The following MGAT4A variants were observed in gnomAD, a reference collection of about 807,000 sequenced individuals.
The protein encoded by MGAT4A is alpha-1,3-mannosyl-glycoprotein 4-beta-N-acetylglucosaminyltransferase A, also known as N-acetylglucosaminyltransferase IVa.
Under a neutral mutation model 74.1 loss-of-function variants are expected in MGAT4A, and 33 were observed. The ratio of observed to expected loss-of-function variants is 0.45; its 90% CI spans 0.34 to 0.60. The LOEUF is 0.60. Ranked by LOEUF, MGAT4A falls within the 20% of genes least tolerant of loss-of-function variation. The pLI is 0.02. For missense variants in MGAT4A, 479 were observed against 628.3 expected (o/e 0.76, Z 2.54); for synonymous variants, 198 against 210.4 (o/e 0.94, Z 0.51).
At chr2:98,674,083 A>G (rs1325259204) in intron 4 of MGAT4A, among the ~76,000 whole-genome samples, 2 of 147,410 alleles carry the variant, frequency 1.4e-5, no homozygotes, top group Non-Finnish European at 3.0e-5. Context: ...TTAATGAAAT[A>G]GAAAGACAGC....
chr2:98,655,643 CACAT>C (rs1204815554), intron 7 of MGAT4A, 123 bp from the exon 8 acceptor site: 3 of 585,354 alleles, frequency 5.1e-6, no homozygotes, highest in East Asian at 3.0e-5. Flanking sequence ...TACACACACA[CACAT>C]ACACACACAC....
chr2:98,654,548 C>T (rs2309433), intron 8 of MGAT4A, among the ~76,000 whole-genome samples: 84,280 of 151,768 alleles, frequency 0.56, 26,176 homozygotes, highest in African/African-American at 0.84. Flanking sequence ...GAAAACAATG[C>T]CATTTACTGT....
At chr2:98,700,753 T>C (rs1702344337) in intron 2 of MGAT4A, among the ~76,000 whole-genome samples, 1 of 151,988 alleles carries the variant, frequency 6.6e-6, no homozygotes, top group African/African-American at 2.4e-5. Context: ...TAGCCAGCCG[T>C]GGTGGCGGGC....
At chr2:98,676,817 A>G (rs1021397522) in intron 3 of MGAT4A, among the ~76,000 whole-genome samples, 3 of 152,248 alleles carry the variant, frequency 2.0e-5, no homozygotes, top group African/African-American at 7.2e-5. Context: ...GAAGAAAAAC[A>G]TTCACGGAAA....
At chr2:98,638,251 TTTTA>T (rs1701353269) in intron 12 of MGAT4A, among the ~76,000 whole-genome samples, 1 of 152,212 alleles carries the variant, frequency 6.6e-6, no homozygotes, top group Non-Finnish European at 1.5e-5. Flanking sequence ...AAAACATTGT[TTTTA>T]TTTTTCAAAA....
intron 1 of MGAT4A, chr2:98,730,261 T>C (rs1316056046): frequency 6.6e-6 from 1 of 152,222 alleles, no homozygotes; most frequent in African/African-American, 2.4e-5. Context: ...AAACACACTG[T>C]TGCGAGGAAT....
At chr2:98,715,168 A>G (rs1479923122) in intron 2 of MGAT4A, among the ~76,000 whole-genome samples, 3 of 152,014 alleles carry the variant, frequency 2.0e-5, no homozygotes, top group African/African-American at 4.8e-5. Context: ...TACAAAAAAA[A>G]GTAGCAGGGC....
intron 10 of MGAT4A, among the ~76,000 whole-genome samples, chr2:98,643,121 A>G (rs1280764417): frequency 1.3e-5 from 2 of 152,220 alleles, no homozygotes; most frequent in Non-Finnish European, 2.9e-5. Context: ...ATTAAAAGCT[A>G]TAGTTTTTTT....
intron 4 of MGAT4A, among the ~76,000 whole-genome samples, chr2:98,665,541 C>CA (rs920750666): frequency 1.3e-5 from 2 of 152,040 alleles, no homozygotes; most frequent in Admixed American, 6.6e-5. Context: ...TCCGTCCCCC[C>CA]AAAAAAAGAT....
chr2:98,645,277 A>C, intron 9 of MGAT4A, 151 bp downstream of exon 9: 1 of 535,342 alleles, frequency 1.9e-6, no homozygotes, highest in Non-Finnish European at 3.3e-6. Context: ...TCATCATGTC[A>C]TACAAAGAGG....
At chr2:98,651,681 A>T (rs1459917444) in intron 8 of MGAT4A, among the ~76,000 whole-genome samples, 1 of 152,220 alleles carries the variant, frequency 6.6e-6, no homozygotes, top group Non-Finnish European at 1.5e-5. Flanking sequence ...ATACAAAAAA[A>T]TAAAGTAAAT....
At position 98,624,227 on chromosome 2, in the gene MGAT4A, T is replaced by C. The variant is rs1331658459; in HGVS notation, c.*1339A>G. ...CAGGGTTTCACCGTGTTAGCCAGGA[T>C]GGTCTTGATCTCCTGACCTCGTGAT... On this transcript the variant is annotated 3_prime_UTR_variant, in exon 16 of 16. Coordinates refer to ENST00000393487, the MANE Select transcript of MGAT4A (RefSeq NM_012214.3). 1.8e-6 allele frequency: 1 copy of C among 553,972 alleles called. No homozygotes were observed. The highest frequency in any genetic ancestry group is 7.9e-5 in the South Asian group (1 of 12,722). 34.3% of individuals were successfully genotyped at this position (553,972 alleles called of 1,614,324 possible). A position where few individuals can be genotyped will look rare whatever the true frequency, so the allele number is the denominator to read the frequency against.
chr2:98,639,276 A>G lies in MGAT4A; in HGVS notation c.1322+532T>C, dbSNP rs540646569. On this transcript the variant is annotated intron_variant, in intron 12 of 15. Coordinates refer to ENST00000393487, the MANE Select transcript of MGAT4A (RefSeq NM_012214.3). ...ACTCCAGTCTGGGCGACAGAGCGAG[A>G]CTGTCTCAAAAAAAAAAAAGGAAGA... is the stretch of plus-strand genomic sequence containing the variant. 2.6e-5 allele frequency among the ~76,000 whole-genome samples: 4 copies of G among 151,998 alleles called. No individual in the cohort carries two copies. The East Asian group carries it at 7.7e-4, about 29-fold the overall frequency.
chr2:98,637,236 A>G (rs1179551598), intron 12 of MGAT4A, among the ~76,000 whole-genome samples: 1 of 152,034 alleles, frequency 6.6e-6, no homozygotes, highest in East Asian at 1.9e-4. Flanking sequence ...GCTTGAGTTT[A>G]GCCTGGAAGG....
chr2:98,674,417 C>T (rs1381326521), intron 4 of MGAT4A, among the ~76,000 whole-genome samples: 1 of 152,224 alleles, frequency 6.6e-6, no homozygotes, highest in Non-Finnish European at 1.5e-5. Context: ...CCCACTTCCA[C>T]TCTGTGGAGT....
intron 4 of MGAT4A, among the ~76,000 whole-genome samples, chr2:98,671,792 TA>T (rs1341496871): frequency 6.6e-6 from 1 of 151,632 alleles, no homozygotes; most frequent in Non-Finnish European, 1.5e-5. Context: ...GGGCCCAATA[TA>T]ATCACAAGCG....
chr2:98,673,979 T>A (rs1033997575), intron 4 of MGAT4A, among the ~76,000 whole-genome samples: 4 of 152,212 alleles, frequency 2.6e-5, no homozygotes, highest in African/African-American at 9.7e-5. Context: ...ATTTTTTGAA[T>A]CATTAGAGAA....
chr2:98,632,329 C>A (rs1305031392), intron 14 of MGAT4A, among the ~76,000 whole-genome samples: 4 of 152,086 alleles, frequency 2.6e-5, no homozygotes, highest in African/African-American at 9.7e-5. Context: ...AGCAGTAGGG[C>A]ACCAAAGAAG....
In MGAT4A at chr2:98,638,752, T is replaced by A. The variant is rs534696342; in HGVS notation, c.1322+1056A>T. ...AACTTGAATTCCTCTTTGGAATCAG[T>A]TTAGAGTAACAAAAGAAAATTAGTA... On this transcript the variant is annotated intron_variant, in intron 12 of 15. Transcript: ENST00000393487. Among the ~76,000 whole-genome samples the A allele has an allele frequency of 2.6e-5, 4 of 152,350 alleles. No homozygotes were observed. The East Asian group carries it at 5.8e-4, about 22-fold the overall frequency.
Sources: gnomAD v4.1 joint callset for allele counts (sites outside exome capture counted in the v4.1 genomes callset) on GRCh38, gnomAD v4.1.1 for gene constraint, MANE v1.5 for transcripts, NCBI Gene and HGNC (gene_info 2026-07-23, HGNC 2026-07-21) for gene names.